The following BMP7 variants were observed in gnomAD, a reference collection of about 807,000 sequenced individuals.
BMP7 encodes the protein bone morphogenetic protein 7.
BMP7 carries 12 observed loss-of-function variants against 41.2 expected under a neutral mutation model. That is an observed-to-expected ratio of 0.29 (90% CI 0.19 to 0.47). The LOEUF (loss-of-function observed/expected upper bound fraction) is 0.47, where lower values mean the gene tolerates loss of function less well. Among genes scored for constraint, BMP7 ranks in the 20% least tolerant of loss-of-function variants. The pLI, the probability that BMP7 is intolerant of heterozygous loss-of-function variation, is 0.99. For synonymous variants in BMP7, 248 were observed against 250.0 expected (o/e 0.99, Z 0.07); for missense variants, 467 against 606.0 (o/e 0.77, Z 2.41).
At position 57,202,544 on chromosome 20, in the gene BMP7, T is replaced by G. The variant is rs771242712; in HGVS notation, c.691A>C (p.Thr231Pro). The change falls in exon 3 of 7, where the codon ACC (threonine) becomes CCC (proline). Residue 231 changes from threonine (T) to proline (P), a missense_variant. Physicochemically the swap from Thr to Pro is conservative, Grantham distance 38. Transcript: ENST00000395863. ...GGATTGACCACCCAGTGGTTGCTGG[T>G]GGCTGTGATGTCAAACACCAGCCAG... Reference protein sequence around the residue: ...EGWLVFDITATSNHWVVNPRH... With the variant: ...EGWLVFDITAPSNHWVVNPRH... 1.9e-5 allele frequency: 30 copies of G among 1,610,148 alleles called. No homozygotes were observed. The highest frequency in any genetic ancestry group is 2.5e-5 in the Non-Finnish European group (29 of 1,179,868).
chr20:57,266,210 C>T lies in BMP7; in HGVS notation c.-88G>A. The T allele has an allele frequency of 7.6e-7, 1 of 1,324,132 alleles. No individual in the cohort carries two copies. Among genetic ancestry groups the T allele is most frequent in the East Asian group, 3.0e-5 (1 of 33,168 alleles). 82.0% of individuals were successfully genotyped at this position (1,324,132 alleles called of 1,614,324 possible). On this transcript the variant is annotated 5_prime_UTR_variant, in exon 1 of 7. Transcript: ENST00000395863. ...AGGGGGCAGGCGGCCGTCCGCGCCG[C>T]TCGGTCACTTGCTGCAGACGGGCCC... is the stretch of plus-strand genomic sequence containing the variant.
rs148510588 is a variant in BMP7 at position 57,174,223 on chromosome 20, C to T, written c.1035+708G>A. Among the ~76,000 whole-genome samples, 16 of 152,246 alleles carry T rather than the reference C, an allele frequency of 1.1e-4. No homozygotes were observed. The East Asian group carries it at 2.9e-3, about 28-fold the overall frequency. ...ACCAGTTGCCCTGATGACCTCATGA[C>T]AATACCCTCTCCAGGGATATTTGAG... On this transcript the variant is annotated intron_variant, in intron 5 of 6. Coordinates refer to ENST00000395863, the MANE Select transcript of BMP7 (RefSeq NM_001719.3). The surrounding 1 kb of genome is among the most constrained non-coding windows in gnomAD (Gnocchi z 4.3).
At chr20:57,199,370 C>A (rs230195) in intron 3 of BMP7, among the ~76,000 whole-genome samples, 84,387 of 152,060 alleles carry the variant, frequency 0.55, 23,964 homozygotes, top group African/African-American at 0.64. Flanking sequence ...CCCAAGTCTT[C>A]TTTTAGAAGG....
intron 3 of BMP7, among the ~76,000 whole-genome samples, chr20:57,193,986 AG>A (rs1984435543): frequency 6.6e-6 from 1 of 152,180 alleles, no homozygotes; most frequent in Non-Finnish European, 1.5e-5. Context: ...AGCCATGCCC[AG>A]CCCCCTCGTG....
intron 2 of BMP7, among the ~76,000 whole-genome samples, chr20:57,207,772 T>C (rs1474673327): frequency 6.7e-6 from 1 of 149,650 alleles, no homozygotes; most frequent in East Asian, 2.0e-4. Context: ...CAAAAGAAAC[T>C]GAAATAGGAA....
At chr20:57,239,323 A>T (rs1440436632) in intron 1 of BMP7, among the ~76,000 whole-genome samples, 3 of 152,126 alleles carry the variant, frequency 2.0e-5, no homozygotes, top group Admixed American at 6.5e-5. Context: ...CTCCAAAATG[A>T]TCTCCTTTGA....
Position 57,173,323 on chromosome 20 carries a change from A to AGAGAGTGTGG in BMP7, c.1036-23_1036-14dup. On this transcript the variant is annotated splice_polypyrimidine_tract_variant and intron_variant, in intron 5 of 6. Coordinates refer to ENST00000395863, the MANE Select transcript of BMP7 (RefSeq NM_001719.3). ...CGATGATCCAGTCCTGAGGAGGAGA[A>AGAGAGTGTGG]GAGAGTGTGGGAAACCATGCAGAAG... is the stretch of plus-strand genomic sequence containing the variant. 6.2e-7 allele frequency: 1 copy of AGAGAGTGTGG among 1,612,234 alleles called. No individual in the cohort carries two copies. The highest frequency in any genetic ancestry group is 8.5e-7 in the Non-Finnish European group (1 of 1,178,412).
Position 57,215,250 on chromosome 20 carries a change from C to T in BMP7, c.612-12627G>A, listed in dbSNP as rs1600627468. ...CAAATTACCTCAAATTGACCCCTCA[C>T]TGGAAACTGCCAGGCTGCATGGGCT... is the stretch of plus-strand genomic sequence containing the variant. On this transcript the variant is annotated intron_variant, in intron 2 of 6. Coordinates refer to ENST00000395863, the MANE Select transcript of BMP7 (RefSeq NM_001719.3). The surrounding 1 kb of genome is among the most constrained non-coding windows in gnomAD (Gnocchi z 4.2). Among the ~76,000 whole-genome samples, 1 of 152,336 alleles carries T rather than the reference C, an allele frequency of 6.6e-6. No homozygotes were observed. Among genetic ancestry groups the T allele is most frequent in the Non-Finnish European group, 1.5e-5 (1 of 68,036 alleles).
rs1238865509 is a variant in BMP7 at position 57,191,875 on chromosome 20, A to G, written c.761-7956T>C. ...GATATAAAATATACATATACTATATATTATATAGTATATATAGTATAGATA... is the reference window on the plus strand; with the variant it reads ...GATATAAAATATACATATACTATATGTTATATAGTATATATAGTATAGATA... On this transcript the variant is annotated intron_variant, in intron 3 of 6. Transcript: ENST00000395863. Among the ~76,000 whole-genome samples the G allele has an allele frequency of 4.4e-5, 6 of 137,022 alleles. No individual in the cohort carries two copies. The East Asian group carries it at 1.2e-3, about 28-fold the overall frequency. 89.9% of individuals were successfully genotyped at this position (137,022 alleles called of 152,430 possible).
intron 3 of BMP7, 82 bp from the exon 4 acceptor site, chr20:57,184,001 T>C (rs1984152574): frequency 2.7e-6 from 4 of 1,470,382 alleles, no homozygotes; most frequent in South Asian, 2.4e-5. Context: ...ATGCTATGCC[T>C]CCCGGTTCAT....
chr20:57,212,587 T>C (rs1214864245), intron 2 of BMP7, among the ~76,000 whole-genome samples: 1 of 152,196 alleles, frequency 6.6e-6, no homozygotes, highest in African/African-American at 2.4e-5. Flanking sequence ...CGCAAGGATA[T>C]TCCTCAGAAG....
chr20:57,182,862 T>A (rs946691252), intron 4 of BMP7, among the ~76,000 whole-genome samples: 1 of 152,266 alleles, frequency 6.6e-6, no homozygotes, highest in Non-Finnish European at 1.5e-5. Flanking sequence ...AAAAATATTA[T>A]CTTTAATTTT....
At chr20:57,219,170 G>A (rs376087629) in intron 2 of BMP7, among the ~76,000 whole-genome samples, 3 of 111,768 alleles carry the variant, frequency 2.7e-5, no homozygotes, top group African/African-American at 1.0e-4. Flanking sequence ...TAGCTGTTCG[G>A]TGGTAGCTGG....
Position 57,169,199 on chromosome 20 carries a change from A to T in BMP7, c.*1760T>A, listed in dbSNP as rs943216279. 5 of 152,224 alleles carry T rather than the reference A, an allele frequency of 3.3e-5. No homozygotes were observed. Among genetic ancestry groups the T allele is most frequent in the African/African-American group, 1.2e-4 (5 of 41,452 alleles). The allele number at this position is 152,224 out of a possible 1,614,324, so 9.4% of individuals were successfully genotyped here. On this transcript the variant is annotated 3_prime_UTR_variant, in exon 7 of 7. Coordinates refer to ENST00000395863, the MANE Select transcript of BMP7 (RefSeq NM_001719.3). ...AGCTACTAAAGAAGAAAAACATCAA[A>T]GAAAATAAAAACAGAGCCCCGGTGT... is the stretch of plus-strand genomic sequence containing the variant.
In BMP7 at chr20:57,170,739, C is replaced by T. The variant is rs1215856891; in HGVS notation, c.*220G>A. 8.4e-6 allele frequency: 5 copies of T among 596,174 alleles called. No individual in the cohort carries two copies. In the East Asian group the frequency reaches 1.3e-4, roughly 15 times the overall value. 36.9% of individuals were successfully genotyped at this position (596,174 alleles called of 1,614,324 possible). ...TGTTTTTTTTTCCTGCTAGGTTTTG[C>T]CTGCACAGCTTGTAGGATCTTGTTC... On this transcript the variant is annotated 3_prime_UTR_variant, in exon 7 of 7. Transcript: ENST00000395863.
At position 57,215,857 on chromosome 20, in the gene BMP7, C is replaced by CACA. The variant is rs1210342257; in HGVS notation, c.611+12369_611+12371dup. ...GCACACTCAAGGAATAAACAAGCAC[C>CACA]ACAAATACAGTCTTCGGGCTGGGTC... is the stretch of plus-strand genomic sequence containing the variant. On this transcript the variant is annotated intron_variant, in intron 2 of 6. Coordinates refer to ENST00000395863, the MANE Select transcript of BMP7 (RefSeq NM_001719.3). The surrounding 1 kb of genome is among the most constrained non-coding windows in gnomAD (Gnocchi z 4.2). 6.6e-6 allele frequency: 1 copy of CACA among 152,006 alleles called. No individual in the cohort carries two copies. The highest frequency in any genetic ancestry group is 1.9e-4 in the East Asian group (1 of 5,190). The allele number at this position is 152,006 out of a possible 1,614,324, so 9.4% of individuals were successfully genotyped here.
At chr20:57,202,717 G>A in intron 2 of BMP7, 94 bp from the exon 3 acceptor site, 3 of 1,185,728 alleles carry the variant, frequency 2.5e-6, no homozygotes, top group East Asian at 3.0e-5. Context: ...TGGGGTGGGA[G>A]GGGAGGGAAA....
intron 4 of BMP7, among the ~76,000 whole-genome samples, chr20:57,175,481 G>A (rs1983903372): frequency 1.3e-5 from 2 of 152,152 alleles, no homozygotes; most frequent in Non-Finnish European, 2.9e-5. Flanking sequence ...CAGGGCCTGG[G>A]ACAAGCAACC....
At position 57,236,439 on chromosome 20, in the gene BMP7, C is replaced by T. The variant is rs114932124; in HGVS notation, c.419-8018G>A. ...CAGTTGGAAAAAGAGGTTTAGATAA[C>T]CCTGGCAAGAATGCTCAAGCTGGGA... On this transcript the variant is annotated intron_variant, in intron 1 of 6. Transcript: ENST00000395863. Among the ~76,000 whole-genome samples, 301 of 152,272 alleles carry T rather than the reference C, an allele frequency of 2.0e-3. 1 individual carries two copies. The highest frequency in any genetic ancestry group is 6.9e-3 in the African/African-American group (288 of 41,570).
Sources: allele counts gnomAD v4.1 joint callset (sites outside exome capture counted in the v4.1 genomes callset), GRCh38; gene constraint gnomAD v4.1.1; non-coding constraint Gnocchi (gnomAD v3.1); transcripts MANE v1.5; gene names NCBI Gene and HGNC (gene_info 2026-07-23, HGNC 2026-07-21).